Variants in SCHIP1 observed in about 807,000 individuals in gnomAD.
The protein encoded by SCHIP1 is schwannomin-interacting protein 1.
Under a neutral mutation model 29.7 loss-of-function variants are expected in SCHIP1, and 8 were observed. The observed-to-expected ratio is 0.27, with a 90% confidence interval of 0.16 to 0.49. SCHIP1 has a LOEUF of 0.49. SCHIP1 is among the 20% of genes least tolerant of loss of function. The pLI, the probability that SCHIP1 is intolerant of heterozygous loss-of-function variation, is 0.99. For missense variants in SCHIP1, 193 were observed against 294.6 expected, an observed-to-expected ratio of 0.66 and a Z score of 2.52; for synonymous variants, 76 against 94.9, an observed-to-expected ratio of 0.80 and a Z score of 1.16.
chr3:159,352,129 C>T, the SCHIP1 span, among the ~76,000 whole-genome samples: 1 of 152,210 alleles, frequency 6.6e-6, no homozygotes, highest in Non-Finnish European at 1.5e-5. Context: ...GGACCTTGTG[C>T]TTCAGCACTG....
the SCHIP1 span, among the ~76,000 whole-genome samples, chr3:159,615,619 A>T: frequency 6.6e-6 from 1 of 152,148 alleles, no homozygotes; most frequent in East Asian, 1.9e-4. Flanking sequence ...CCTTTGTGTG[A>T]GTACAAACTG....
At chr3:159,512,949 T>C in the SCHIP1 span, among the ~76,000 whole-genome samples, 5 of 152,206 alleles carry the variant, frequency 3.3e-5, no homozygotes, top group African/African-American at 7.2e-5. Context: ...CATGTGATGC[T>C]TATCTTTCTG....
At chr3:159,438,505 G>T in the SCHIP1 span, among the ~76,000 whole-genome samples, 1,232 of 152,192 alleles carry the variant, frequency 8.1e-3, 8 homozygotes, top group Non-Finnish European at 0.014. Flanking sequence ...TTAAGTTCAG[G>T]GGTACATGTG....
chr3:159,764,726 G>A, the SCHIP1 span: 2 of 1,573,708 alleles, frequency 1.3e-6, no homozygotes, highest in Non-Finnish European at 1.7e-6. The surrounding 1 kb of genome is among the most constrained non-coding windows in gnomAD (Gnocchi z 6.1). Context: ...CGGGATGACC[G>A]CTCTCCGGCC....
chr3:159,367,260 C>T, the SCHIP1 span, among the ~76,000 whole-genome samples: 913 of 152,166 alleles, frequency 6.0e-3, 2 homozygotes, highest in African/African-American at 0.021. Flanking sequence ...GGTGTGGTGG[C>T]GCATGCCTGT....
At chr3:159,530,803 C>T in the SCHIP1 span, among the ~76,000 whole-genome samples, 1 of 152,124 alleles carries the variant, frequency 6.6e-6, no homozygotes. Flanking sequence ...TGTCCCTGTC[C>T]CCTGTAGGCA....
the SCHIP1 span, among the ~76,000 whole-genome samples, chr3:159,492,243 T>C: frequency 6.6e-6 from 1 of 152,144 alleles, no homozygotes; most frequent in Non-Finnish European, 1.5e-5. Context: ...GGAACAAAGC[T>C]GGACAGAGAA....
At chr3:159,598,116 G>A in the SCHIP1 span, among the ~76,000 whole-genome samples, 1 of 152,122 alleles carries the variant, frequency 6.6e-6, no homozygotes, top group African/African-American at 2.4e-5. Flanking sequence ...CTTCCTCTAT[G>A]CCTGGGGATT....
At chr3:159,821,163 C>T in the SCHIP1 span, among the ~76,000 whole-genome samples, 1 of 152,152 alleles carries the variant, frequency 6.6e-6, no homozygotes, top group East Asian at 1.9e-4. Context: ...TTGAACGTTG[C>T]TCATAGATCT....
chr3:159,349,253 T>G, the SCHIP1 span, among the ~76,000 whole-genome samples: 1 of 152,204 alleles, frequency 6.6e-6, no homozygotes, highest in Non-Finnish European at 1.5e-5. Context: ...TTTTCACCCA[T>G]GTCGTGCAAG....
the SCHIP1 span, among the ~76,000 whole-genome samples, chr3:159,612,487 C>T: frequency 6.6e-6 from 1 of 152,304 alleles, no homozygotes; most frequent in South Asian, 2.1e-4. Context: ...TGGCTCACTC[C>T]TGTAATCTCA....
chr3:159,472,246 G>A, the SCHIP1 span, among the ~76,000 whole-genome samples: 1 of 152,166 alleles, frequency 6.6e-6, no homozygotes, highest in African/African-American at 2.4e-5. Flanking sequence ...AAAGAGTTGT[G>A]TGTAGAGAAA....
the SCHIP1 span, among the ~76,000 whole-genome samples, chr3:159,417,162 G>C: frequency 6.6e-6 from 1 of 152,150 alleles, no homozygotes; most frequent in Non-Finnish European, 1.5e-5. Flanking sequence ...ATTTGTTCAA[G>C]ACAAGTCTGG....
the SCHIP1 span, among the ~76,000 whole-genome samples, chr3:159,613,777 A>C: frequency 6.6e-6 from 1 of 152,222 alleles, no homozygotes; most frequent in South Asian, 2.1e-4. Flanking sequence ...GTCCTCAAAA[A>C]GAAGTTAACA....
chr3:159,363,091 A>G, the SCHIP1 span, among the ~76,000 whole-genome samples: 1 of 152,170 alleles, frequency 6.6e-6, no homozygotes, highest in Admixed American at 6.5e-5. Context: ...ACAAATGTAT[A>G]CTTACTCTTC....
the SCHIP1 span, among the ~76,000 whole-genome samples, chr3:159,559,367 A>C: frequency 1.3e-5 from 2 of 152,168 alleles, no homozygotes; most frequent in Non-Finnish European, 2.9e-5. Flanking sequence ...ATTATGAAAA[A>C]TTTTAAACAT....
chr3:159,827,681 T>G, the SCHIP1 span, among the ~76,000 whole-genome samples: 2 of 151,914 alleles, frequency 1.3e-5, no homozygotes, highest in African/African-American at 4.8e-5. Flanking sequence ...GGCGGGCGCC[T>G]GTAGTCCCAG....
At chr3:159,696,567 A>G in the SCHIP1 span, among the ~76,000 whole-genome samples, 1 of 152,214 alleles carries the variant, frequency 6.6e-6, no homozygotes, top group Non-Finnish European at 1.5e-5. Flanking sequence ...TCATTTATTC[A>G]TTCAACAAAT....
chr3:159,591,644 C>A, the SCHIP1 span, among the ~76,000 whole-genome samples: 1 of 152,026 alleles, frequency 6.6e-6, no homozygotes, highest in African/African-American at 2.4e-5. Context: ...TGAAAGCCAT[C>A]ATTCTCAGCA....
Sources: allele counts gnomAD v4.1 joint callset (sites outside exome capture counted in the v4.1 genomes callset), GRCh38; gene constraint gnomAD v4.1.1; non-coding constraint Gnocchi (gnomAD v3.1); transcripts MANE v1.5; gene names NCBI Gene and HGNC (gene_info 2026-07-23, HGNC 2026-07-21).